MYH16: variants seen among roughly 807,000 people sequenced by gnomAD.
The protein encoded by MYH16 is myosin heavy chain 16.
chr7:99,283,718 G>A (rs542464477), intron 24 of MYH16, 67 bp downstream of exon 6: 26 of 454,026 alleles, frequency 5.7e-5, no homozygotes, highest in African/African-American at 3.4e-4. Flanking sequence ...CACGGGGTCC[G>A]AAGATTAGTT....
At chr7:99,296,023 A>G (rs913002993) in intron 33 of MYH16, among the ~76,000 whole-genome samples, 7 of 151,236 alleles carry the variant, frequency 4.6e-5, no homozygotes, top group Non-Finnish European at 1.0e-4. Context: ...ACGCCTGTGT[A>G]ATCCCAGCTA....
intron 1 of MYH16, among the ~76,000 whole-genome samples, chr7:99,239,442 G>A (rs536811182): frequency 6.6e-6 from 1 of 152,344 alleles, no homozygotes; most frequent in Admixed American, 6.5e-5. Flanking sequence ...AGGGCCATGA[G>A]AGAGGGCACA....
At chr7:99,274,156 A>G (rs1254276950) in intron 20 of MYH16, among the ~76,000 whole-genome samples, 2 of 152,230 alleles carry the variant, frequency 1.3e-5, no homozygotes, top group African/African-American at 4.8e-5. Context: ...CGAAACAGCA[A>G]TGAGTATGGT....
chr7:99,288,853 G>A (rs1197908340), intron 29 of MYH16, among the ~76,000 whole-genome samples: 1 of 151,704 alleles, frequency 6.6e-6, no homozygotes, highest in Admixed American at 6.6e-5. Flanking sequence ...AGTGGCTAAC[G>A]CCTGTAATCC....
chr7:99,294,569 T>A (rs183759460), intron 33 of MYH16, among the ~76,000 whole-genome samples: 2,586 of 146,092 alleles, frequency 0.018, 64 homozygotes, highest in African/African-American at 0.058. Flanking sequence ...ATATATATAT[T>A]TTTTTTCTTT....
intron 5 of MYH16, among the ~76,000 whole-genome samples, chr7:99,250,354 A>G (rs980518886): frequency 6.6e-6 from 1 of 152,132 alleles, no homozygotes; most frequent in Non-Finnish European, 1.5e-5. Context: ...GAGAAACAGG[A>G]AAGTTTGCTG....
chr7:99,258,704 T>C (rs577776864), intron 11 of MYH16, among the ~76,000 whole-genome samples: 11 of 152,266 alleles, frequency 7.2e-5, no homozygotes, highest in African/African-American at 2.6e-4. Context: ...TGACATCATG[T>C]TGATAGCTTG....
At chr7:99,283,123 T>G (rs926839126) in intron 23 of MYH16, among the ~76,000 whole-genome samples, 1 of 152,088 alleles carries the variant, frequency 6.6e-6, no homozygotes, top group Non-Finnish European at 1.5e-5. Flanking sequence ...GAACCAGAGA[T>G]AGGGTCTCAC....
chr7:99,275,374 C>A (rs1052796062), intron 20 of MYH16, among the ~76,000 whole-genome samples: 1 of 152,204 alleles, frequency 6.6e-6, no homozygotes, highest in African/African-American at 2.4e-5. Context: ...TCAAGTGATC[C>A]TCCCCAGCCT....
intron 4 of MYH16, among the ~76,000 whole-genome samples, chr7:99,249,326 C>T (rs925053064): frequency 8.6e-5 from 13 of 151,648 alleles, no homozygotes; most frequent in African/African-American, 2.7e-4. Flanking sequence ...GCAGGAGGAT[C>T]GCTGGAACCC....
chr7:99,296,706 TG>T, exon 34 of MYH16: 1 of 455,652 alleles, frequency 2.2e-6, no homozygotes, highest in Non-Finnish European at 4.4e-6. Context: ...CCTAGGCCAA[TG>T]CTGCAGCTGC....
At chr7:99,256,065 C>T (rs1267812814) in intron 9 of MYH16, among the ~76,000 whole-genome samples, 2 of 152,040 alleles carry the variant, frequency 1.3e-5, no homozygotes, top group East Asian at 1.9e-4. Flanking sequence ...GTACTAGGTT[C>T]TCTCTCCTCT....
chr7:99,287,510 G>A (rs1430641125), intron 28 of MYH16, among the ~76,000 whole-genome samples: 1 of 134,434 alleles, frequency 7.4e-6, no homozygotes, highest in African/African-American at 3.0e-5. Context: ...TGCAGCCTGG[G>A]CAACAAGAGT....
chr7:99,269,698 T>G (rs1428897139), intron 18 of MYH16, among the ~76,000 whole-genome samples: 1 of 152,190 alleles, frequency 6.6e-6, no homozygotes, highest in African/African-American at 2.4e-5. Context: ...GACGTGCTTT[T>G]ATCGCTTTGC....
chr7:99,279,696 G>A, exon 22 of MYH16: 1 of 456,410 alleles, frequency 2.2e-6, no homozygotes, highest in Non-Finnish European at 4.4e-6. Context: ...GGACCTAGAG[G>A]GCCTGGAAAC....
chr7:99,279,861 GT>G (rs948933682), intron 22 of MYH16, 124 bp downstream of exon 4: 68 of 347,342 alleles, frequency 2.0e-4, no homozygotes, highest in East Asian at 6.2e-4. Context: ...TTTTTTGGGG[GT>G]TTTTTTTTGT....
intron 16 of MYH16, chr7:99,265,244 G>C (rs1381177810): frequency 1.3e-5 from 2 of 152,716 alleles, no homozygotes; most frequent in Admixed American, 1.3e-4. Flanking sequence ...TGTGAAGTTA[G>C]TGTTCATTCC....
rs1792433189 is a variant in MYH16, at chr7:99,294,017, G to A, written n.4150-1G>A. 3 of 451,732 alleles carry A rather than the reference G, an allele frequency of 6.6e-6. No homozygotes were observed. Among genetic ancestry groups the A allele is most frequent in the African/African-American group, 6.0e-5 (3 of 49,714 alleles). The allele number at this position is 451,732 out of a possible 1,614,324, so 28.0% of individuals were successfully genotyped here. A position where few individuals can be genotyped will look rare whatever the true frequency, so the allele number is the denominator to read the frequency against. On this transcript the variant is annotated splice_acceptor_variant and non_coding_transcript_variant, in intron 32 of 41. Transcript: ENST00000439784. ...ACAGCCCCTCTGGCCCTCATTTGCA[G>A]GAGGAAGCTGGCCGCCAGGCTTCAG...
chr7:99,246,931 A>G (rs1430888968), intron 2 of MYH16, among the ~76,000 whole-genome samples: 2 of 152,128 alleles, frequency 1.3e-5, no homozygotes, highest in African/African-American at 2.4e-5. Flanking sequence ...TACACATTCA[A>G]TGCACTCCTC....
Sources: gnomAD v4.1 joint callset for allele counts (sites outside exome capture counted in the v4.1 genomes callset) on GRCh38, gnomAD v4.1.1 for gene constraint, MANE v1.5 for transcripts, NCBI Gene and HGNC (gene_info 2026-07-23, HGNC 2026-07-21) for gene names.